TMEM117: variants seen among roughly 807,000 people sequenced by gnomAD.
The protein encoded by TMEM117 is transmembrane protein 117.
TMEM117 carries 27 observed loss-of-function variants against 52.4 expected under a neutral mutation model. The ratio of observed to expected loss-of-function variants is 0.51; its 90% CI spans 0.38 to 0.71. The LOEUF is 0.71. Among genes scored for constraint, TMEM117 ranks in the 30% least tolerant of loss-of-function variants. The probability of loss-of-function intolerance (pLI) is 0.00; values close to 1 mark genes in which losing one functional copy is unlikely to be tolerated. For missense variants in TMEM117, 556 were observed against 630.5 expected (o/e 0.88, Z 1.26); for synonymous variants, 215 against 206.3 (o/e 1.04, Z -0.36).
At chr12:43,864,595 G>A (rs1179217984) in intron 2 of TMEM117, among the ~76,000 whole-genome samples, 1 of 151,982 alleles carries the variant, frequency 6.6e-6, no homozygotes, top group Non-Finnish European at 1.5e-5. Context: ...AGTTGACACT[G>A]TATCTAGCTA....
At chr12:44,299,866 C>A in intron 6 of TMEM117, 127 bp downstream of exon 6, 1 of 1,198,888 alleles carries the variant, frequency 8.3e-7, no homozygotes. Flanking sequence ...TTGATGGGGC[C>A]TTCTCTGTTT....
At chr12:44,327,582 C>T (rs888038161) in intron 6 of TMEM117, among the ~76,000 whole-genome samples, 3 of 152,162 alleles carry the variant, frequency 2.0e-5, no homozygotes, top group African/African-American at 4.8e-5. Flanking sequence ...AGTTAACCAC[C>T]GAACATCTTG....
intron 3 of TMEM117, among the ~76,000 whole-genome samples, chr12:44,084,587 C>A (rs1388077336): frequency 2.0e-5 from 3 of 152,144 alleles, no homozygotes; most frequent in Non-Finnish European, 4.4e-5. Flanking sequence ...TCATCTGTAT[C>A]AGAAAAGGTC....
At chr12:44,238,588 C>G (rs966746724) in intron 5 of TMEM117, among the ~76,000 whole-genome samples, 1 of 151,946 alleles carries the variant, frequency 6.6e-6, no homozygotes, top group Non-Finnish European at 1.5e-5. Flanking sequence ...GTGCAATTAT[C>G]GTGCTTGTGA....
rs144010409 is a variant in TMEM117 at position 43,943,105 on chromosome 12, G to A, written c.278-1105G>A. Among the ~76,000 whole-genome samples, 18 of 149,142 alleles carry A rather than the reference G, an allele frequency of 1.2e-4. No homozygotes were observed. The East Asian group carries it at 3.6e-3, about 30-fold the overall frequency. ...AGGCAGGGGAATCACTTGAACCCGAGAGGCGGAAGTTGTGGTGAGCTGAGA... is the reference window on the plus strand; with the variant it reads ...AGGCAGGGGAATCACTTGAACCCGAAAGGCGGAAGTTGTGGTGAGCTGAGA... On this transcript the variant is annotated intron_variant, in intron 2 of 7. Coordinates refer to ENST00000266534, the MANE Select transcript of TMEM117 (RefSeq NM_032256.3).
intron 6 of TMEM117, among the ~76,000 whole-genome samples, chr12:44,323,852 T>C (rs1951164105): frequency 1.3e-5 from 2 of 152,142 alleles, no homozygotes; most frequent in Non-Finnish European, 2.9e-5. Flanking sequence ...AAATGAGGTG[T>C]GTGTATTCTT....
chr12:43,812,515 C>T, the TMEM117 span, among the ~76,000 whole-genome samples: 1 of 152,192 alleles, frequency 6.6e-6, no homozygotes, highest in Non-Finnish European at 1.5e-5. Flanking sequence ...GATATATTTA[C>T]ATACTAGTGA....
At chr12:44,368,645 T>G (rs1021810865) in intron 6 of TMEM117, among the ~76,000 whole-genome samples, 1 of 152,176 alleles carries the variant, frequency 6.6e-6, no homozygotes, top group African/African-American at 2.4e-5. Flanking sequence ...TTCAGACAAT[T>G]GAATGTGACC....
intron 3 of TMEM117, among the ~76,000 whole-genome samples, chr12:44,090,518 C>T (rs1003940867): frequency 2.6e-5 from 4 of 151,714 alleles, no homozygotes; most frequent in Non-Finnish European, 5.9e-5. Flanking sequence ...CTCACTGCAA[C>T]CTCTGCCTCC....
chr12:44,161,951 G>A (rs534577959), intron 4 of TMEM117, among the ~76,000 whole-genome samples: 8 of 152,174 alleles, frequency 5.3e-5, no homozygotes, highest in African/African-American at 1.9e-4. Context: ...AGGCATCTAT[G>A]GAACATCAAG....
chr12:44,338,137 A>T (rs1001754976), intron 6 of TMEM117, among the ~76,000 whole-genome samples: 2 of 152,038 alleles, frequency 1.3e-5, no homozygotes, highest in African/African-American at 4.8e-5. Flanking sequence ...CCCTCTCCAC[A>T]ACTGATGAAT....
At chr12:44,344,167 C>T (rs1313651910) in intron 6 of TMEM117, among the ~76,000 whole-genome samples, 2 of 152,078 alleles carry the variant, frequency 1.3e-5, no homozygotes, top group African/African-American at 2.4e-5. Context: ...ATTAACATCA[C>T]CTGAGAACTG....
At chr12:44,189,205 T>C (rs996727615) in intron 4 of TMEM117, among the ~76,000 whole-genome samples, 14 of 152,200 alleles carry the variant, frequency 9.2e-5, no homozygotes, top group Admixed American at 3.9e-4. Context: ...ATTAAATATA[T>C]GAATGAATAA....
chr12:43,826,895 T>G, the TMEM117 span, among the ~76,000 whole-genome samples: 1 of 152,108 alleles, frequency 6.6e-6, no homozygotes, highest in East Asian at 1.9e-4. Context: ...TGGAATGCAG[T>G]GACTGTGAAG....
intron 5 of TMEM117, among the ~76,000 whole-genome samples, chr12:44,217,026 C>CTG (rs1565603264): frequency 6.6e-6 from 1 of 152,082 alleles, no homozygotes; most frequent in African/African-American, 2.4e-5. Flanking sequence ...ACAAAAGGAA[C>CTG]TTAGTTGTTT....
At position 44,174,681 on chromosome 12, in the gene TMEM117, G is replaced by A. The variant is rs182565505; in HGVS notation, c.510+31057G>A. 1.3e-4 allele frequency among the ~76,000 whole-genome samples: 20 copies of A among 152,262 alleles called. 1 individual carries two copies. The highest frequency in any genetic ancestry group is 1.2e-3 in the Admixed American group (18 of 15,282). ...CTGTGTTTGTTTCTAAAATACGCTT[G>A]TAAATAAGATACACAGAGTTCTTTT... On this transcript the variant is annotated intron_variant, in intron 4 of 7. Coordinates refer to ENST00000266534, the MANE Select transcript of TMEM117 (RefSeq NM_032256.3).
At chr12:44,107,612 T>A (rs1183227494) in intron 3 of TMEM117, among the ~76,000 whole-genome samples, 1 of 152,108 alleles carries the variant, frequency 6.6e-6, no homozygotes, top group African/African-American at 2.4e-5. Flanking sequence ...CAGCACAGAC[T>A]GAATTTTTAA....
At chr12:43,966,156 T>G (rs1331129117) in intron 3 of TMEM117, among the ~76,000 whole-genome samples, 2 of 152,192 alleles carry the variant, frequency 1.3e-5, no homozygotes, top group Non-Finnish European at 2.9e-5. Flanking sequence ...CCACCATTGA[T>G]AGGCACCTAG....
At chr12:44,032,503 A>C (rs1946648977) in intron 3 of TMEM117, among the ~76,000 whole-genome samples, 1 of 152,180 alleles carries the variant, frequency 6.6e-6, no homozygotes, top group Non-Finnish European at 1.5e-5. Context: ...CACATATTGG[A>C]ATCATGTAGC....
Sources: allele counts gnomAD v4.1 joint callset (sites outside exome capture counted in the v4.1 genomes callset), GRCh38; gene constraint gnomAD v4.1.1; transcripts MANE v1.5; gene names NCBI Gene and HGNC (gene_info 2026-07-23, HGNC 2026-07-21).